The following EFCAB7 variants were observed in gnomAD, a reference collection of about 807,000 sequenced individuals.
The protein encoded by EFCAB7 is EF-hand calcium binding domain 7.
A neutral mutation model predicts 77.1 loss-of-function variants in EFCAB7; 66 were observed. That is an observed-to-expected ratio of 0.86 (90% CI 0.70 to 1.05). The LOEUF (loss-of-function observed/expected upper bound fraction) is 1.05. EFCAB7 is among the 50% of genes least tolerant of loss of function. The probability of loss-of-function intolerance (pLI) is 0.00; values close to 1 mark genes in which losing one functional copy is unlikely to be tolerated. For synonymous variants in EFCAB7, 225 were observed against 243.3 expected (o/e 0.92, Z 0.70); for missense variants, 638 against 730.5 (o/e 0.87, Z 1.46).
At chr1:63,578,877 A>T in the EFCAB7 span, among the ~76,000 whole-genome samples, 1 of 152,250 alleles carries the variant, frequency 6.6e-6, no homozygotes, top group African/African-American at 2.4e-5. Context: ...CAGAGAAGAC[A>T]GATTGTGAAC....
At chr1:63,546,149 A>G (rs1646895957) in intron 7 of EFCAB7, 92 bp downstream of exon 7, 1 of 1,358,614 alleles carries the variant, frequency 7.4e-7, no homozygotes, top group Admixed American at 2.3e-5. Flanking sequence ...TAGTTAGGGA[A>G]GAAAATAATC....
chr1:63,537,165 A>T (rs1394695879), intron 6 of EFCAB7, among the ~76,000 whole-genome samples: 1 of 152,172 alleles, frequency 6.6e-6, no homozygotes, highest in African/African-American at 2.4e-5. Context: ...TAAAATCCCG[A>T]ATTCTATCCA....
intron 11 of EFCAB7, among the ~76,000 whole-genome samples, chr1:63,562,980 T>C (rs974697984): frequency 6.6e-6 from 1 of 152,160 alleles, no homozygotes; most frequent in African/African-American, 2.4e-5. Flanking sequence ...AGGTTCTCTA[T>C]TCTTTCCCCA....
rs1570408261 is a variant in EFCAB7, at chr1:63,546,000, G to A, written c.889G>A (p.Ala297Thr). Residue 297 changes from alanine (A) to threonine (T), a missense_variant, in exon 7 of 14, where the codon GCT becomes ACT. Transcript: ENST00000371088. The part of the protein sequence containing the change: ...IISHQYRMQI[A>T]QRSMVYLTIK... ...TAGTCATCAGTACAGGATGCAAATA[G>A]CTCAGAGGTCCATGGTTTATCTAAC... The A allele has an allele frequency of 6.2e-7, 1 of 1,613,880 alleles. No homozygotes were observed. Among genetic ancestry groups the A allele is most frequent in the East Asian group, 2.2e-5 (1 of 44,834 alleles).
intron 11 of EFCAB7, among the ~76,000 whole-genome samples, chr1:63,562,423 T>G (rs1457478939): frequency 8.0e-6 from 1 of 125,150 alleles, no homozygotes; most frequent in African/African-American, 3.1e-5. Context: ...TAATAAAAAT[T>G]TAAAAATTAG....
At chr1:63,545,357 G>A in intron 6 of EFCAB7, among the ~76,000 whole-genome samples, 1 of 152,144 alleles carries the variant, frequency 6.6e-6, no homozygotes. Flanking sequence ...CAATTAGACA[G>A]TAAATATTTG....
chr1:63,569,360 A>G (rs1489529887), intron 12 of EFCAB7: 5 of 152,230 alleles, frequency 3.3e-5, no homozygotes, highest in Admixed American at 6.5e-5. Flanking sequence ...GACAAAATTA[A>G]TACTCTTGAA....
At chr1:63,525,516 AT>A in intron 1 of EFCAB7, 55 bp from the exon 2 acceptor site, 1 of 1,344,438 alleles carries the variant, frequency 7.4e-7, no homozygotes, top group Non-Finnish European at 9.8e-7. Flanking sequence ...ACATGGTGAC[AT>A]TTGTGTTTTA....
Position 63,530,387 on chromosome 1 carries a change from A to G in EFCAB7, c.188-1433A>G, listed in dbSNP as rs144706863. 2.4e-3 allele frequency among the ~76,000 whole-genome samples: 367 copies of G among 152,294 alleles called. 5 individuals are homozygous for G. Among genetic ancestry groups the G allele is most frequent in the Middle Eastern group, 3.4e-3 (1 of 294 alleles). ...AATTCAGGACAATTGTATCTTTTAA[A>G]ATTATGTTAATTCCTTCTGTGGTGC... is the stretch of plus-strand genomic sequence containing the variant. On this transcript the variant is annotated intron_variant, in intron 2 of 13. Transcript: ENST00000371088.
At chr1:63,563,609 A>AT (rs1463761979) in intron 11 of EFCAB7, among the ~76,000 whole-genome samples, 2 of 152,200 alleles carry the variant, frequency 1.3e-5, no homozygotes, top group Admixed American at 1.3e-4. Context: ...TCCATCTCTG[A>AT]TTGCCTGACT....
chr1:63,570,569 A>G (rs1432960482), intron 12 of EFCAB7: 1 of 152,722 alleles, frequency 6.5e-6, no homozygotes, highest in Non-Finnish European at 1.5e-5. Context: ...CCCTAAAACA[A>G]TGCCTGATAC....
intron 8 of EFCAB7, among the ~76,000 whole-genome samples, chr1:63,554,198 G>A (rs1646999713): frequency 6.6e-6 from 1 of 152,086 alleles, no homozygotes; most frequent in African/African-American, 2.4e-5. Flanking sequence ...GTGCTGAAGG[G>A]CACTTAGCTA....
At chr1:63,557,327 A>T in intron 10 of EFCAB7, 80 bp downstream of exon 10, 1 of 1,294,852 alleles carries the variant, frequency 7.7e-7, no homozygotes, top group South Asian at 1.5e-5. Context: ...TGAGAAGTCA[A>T]ACTTCTGCAT....
chr1:63,563,858 C>T (rs1006960005), intron 11 of EFCAB7, among the ~76,000 whole-genome samples: 3 of 152,084 alleles, frequency 2.0e-5, no homozygotes, highest in Non-Finnish European at 4.4e-5. Context: ...TGTTAAAGAG[C>T]AATATAACTT....
At chr1:63,549,106 G>A (rs557854991) in intron 7 of EFCAB7, 21 of 273,668 alleles carry the variant, frequency 7.7e-5, no homozygotes, top group African/African-American at 3.2e-4. Context: ...GGCAGTAGGC[G>A]GAGCTTCGCC....
chr1:63,566,014 A>G (rs973896622), intron 11 of EFCAB7, among the ~76,000 whole-genome samples: 1 of 152,242 alleles, frequency 6.6e-6, no homozygotes, highest in Non-Finnish European at 1.5e-5. Flanking sequence ...CACCTAAAGG[A>G]ATGTAAATTG....
intron 6 of EFCAB7, among the ~76,000 whole-genome samples, chr1:63,545,214 G>A (rs1646882633): frequency 6.6e-6 from 1 of 152,002 alleles, no homozygotes. Flanking sequence ...ACCGTGCCCA[G>A]CCAACTTTAT....
At chr1:63,544,690 C>T (rs941383789) in intron 6 of EFCAB7, among the ~76,000 whole-genome samples, 4 of 151,922 alleles carry the variant, frequency 2.6e-5, no homozygotes, top group African/African-American at 7.3e-5. Flanking sequence ...GGATTACAGG[C>T]GTGAGCCACC....
At chr1:63,572,410 A>G in intron 13 of EFCAB7, 32 bp from the exon 14 acceptor site, 1 of 1,553,692 alleles carries the variant, frequency 6.4e-7, no homozygotes, top group Non-Finnish European at 8.7e-7. Context: ...ATATATAAAA[A>G]GAGAGTAAAA....
Sources: gnomAD v4.1 joint callset for allele counts (sites outside exome capture counted in the v4.1 genomes callset) on GRCh38, gnomAD v4.1.1 for gene constraint, MANE v1.5 for transcripts, NCBI Gene and HGNC (gene_info 2026-07-23, HGNC 2026-07-21) for gene names.